TNPO1: variants seen among roughly 807,000 people sequenced by gnomAD.
TNPO1 encodes transportin 1, also known as transportin-1.
In TNPO1, 8 loss-of-function variants were observed where a neutral mutation model predicts 119.5. That is an observed-to-expected ratio of 0.07 (90% CI 0.04 to 0.12). The LOEUF is 0.12. Ranked by LOEUF, TNPO1 falls within the 10% of genes least tolerant of loss-of-function variation. The pLI, the probability that TNPO1 is intolerant of heterozygous loss-of-function variation, is 1.00. For synonymous variants in TNPO1, 362 were observed against 363.0 expected (o/e 1.00, Z 0.03); for missense variants, 576 against 1,089.8 (o/e 0.53, Z 6.64).
intron 23 of TNPO1, among the ~76,000 whole-genome samples, chr5:72,904,224 T>G (rs1406430571): frequency 3.3e-5 from 5 of 152,196 alleles, no homozygotes; most frequent in Non-Finnish European, 7.3e-5. Flanking sequence ...CAGTTACACA[T>G]TTGAATCACC....
At chr5:72,850,935 A>G (rs552736820) in intron 2 of TNPO1, among the ~76,000 whole-genome samples, 1 of 152,292 alleles carries the variant, frequency 6.6e-6, no homozygotes, top group Non-Finnish European at 1.5e-5. Context: ...AGAATGGTTT[A>G]AAGTTGAAAT....
At chr5:72,902,182 A>C (rs1749847776) in intron 22 of TNPO1, among the ~76,000 whole-genome samples, 1 of 152,212 alleles carries the variant, frequency 6.6e-6, no homozygotes, top group Admixed American at 6.5e-5. Flanking sequence ...CTTTTATAGC[A>C]ATAACTTTCT....
At chr5:72,852,728 G>A (rs1302501724) in intron 3 of TNPO1, among the ~76,000 whole-genome samples, 1 of 152,096 alleles carries the variant, frequency 6.6e-6, no homozygotes, top group Non-Finnish European at 1.5e-5. Context: ...ATTCTTGCAC[G>A]GTGATTTCTT....
chr5:72,826,213 T>C (rs577555895), intron 1 of TNPO1, among the ~76,000 whole-genome samples: 10 of 152,254 alleles, frequency 6.6e-5, no homozygotes, highest in Non-Finnish European at 1.0e-4. Context: ...CCCACTCTTA[T>C]CCTGGACTCC....
At chr5:72,865,775 G>T in intron 6 of TNPO1, 46 bp downstream of exon 6, 1 of 1,547,610 alleles carries the variant, frequency 6.5e-7, no homozygotes, top group South Asian at 1.2e-5. Context: ...ATATAAACCT[G>T]ACCATTATCT....
rs1406632032 is a variant in TNPO1 at position 72,908,914 on chromosome 5, C to G, written c.*241C>G. The G allele has an allele frequency of 4.4e-6, 2 of 453,178 alleles. No individual in the cohort carries two copies. Among genetic ancestry groups the G allele is most frequent in the East Asian group, 7.0e-5 (1 of 14,242 alleles). The allele number at this position is 453,178 out of a possible 1,614,324, so 28.1% of individuals were successfully genotyped here. On this transcript the variant is annotated 3_prime_UTR_variant, in exon 25 of 25. Transcript: ENST00000337273. Reference sequence around the variant, plus strand: ...AGCCTTTGTGGGTGGAAATATGTCTCCAGTTACAACTCCGCAGTGGATGTG... The same window carrying G: ...AGCCTTTGTGGGTGGAAATATGTCTGCAGTTACAACTCCGCAGTGGATGTG...
intron 1 of TNPO1, among the ~76,000 whole-genome samples, chr5:72,846,913 G>T (rs1347081725): frequency 6.6e-6 from 1 of 152,128 alleles, no homozygotes; most frequent in Non-Finnish European, 1.5e-5. Flanking sequence ...GATATACGAA[G>T]TCAGGCAAGA....
At chr5:72,833,043 A>G (rs916908439) in intron 1 of TNPO1, among the ~76,000 whole-genome samples, 1 of 152,152 alleles carries the variant, frequency 6.6e-6, no homozygotes, top group African/African-American at 2.4e-5. Flanking sequence ...CAATTCCTAG[A>G]GAACTCCCTG....
intron 2 of TNPO1, among the ~76,000 whole-genome samples, chr5:72,850,857 C>T (rs904040944): frequency 2.0e-5 from 3 of 152,104 alleles, no homozygotes; most frequent in Non-Finnish European, 4.4e-5. Context: ...ATCTTCAACT[C>T]TGAAAGACTT....
intron 1 of TNPO1, among the ~76,000 whole-genome samples, chr5:72,834,054 C>T (rs552039862): frequency 1.3e-5 from 2 of 152,082 alleles, no homozygotes; most frequent in African/African-American, 4.8e-5. Flanking sequence ...CATGGTGGTC[C>T]CATAAGATTA....
chr5:72,905,740 C>A (rs1440539302), intron 24 of TNPO1, among the ~76,000 whole-genome samples: 1 of 152,058 alleles, frequency 6.6e-6, no homozygotes, highest in Admixed American at 6.6e-5. Context: ...ACTAAAAATA[C>A]AAAAATTAGC....
chr5:72,885,287 T>C (rs1486474339), intron 11 of TNPO1, among the ~76,000 whole-genome samples: 1 of 152,224 alleles, frequency 6.6e-6, no homozygotes, highest in Non-Finnish European at 1.5e-5. Flanking sequence ...GTCTCACTTG[T>C]TAAGACAACA....
rs985208324 is a variant in TNPO1 at position 72,849,256 on chromosome 5, A to G, written c.129+758A>G. Reference sequence around the variant, plus strand: ...GTTGCTACGGTTTTAGAGACAGGAAAGGTTAAGAGAACCAAAACTCTACCA... The same window carrying G: ...GTTGCTACGGTTTTAGAGACAGGAAGGGTTAAGAGAACCAAAACTCTACCA... On this transcript the variant is annotated intron_variant, in intron 2 of 24. Transcript: ENST00000337273. Among the ~76,000 whole-genome samples the G allele has an allele frequency of 2.6e-5, 4 of 152,324 alleles. 1 individual carries two copies. Among genetic ancestry groups the G allele is most frequent in the African/African-American group, 9.6e-5 (4 of 41,580 alleles).
chr5:72,857,757 G>A (rs1013288615), intron 4 of TNPO1, among the ~76,000 whole-genome samples: 1 of 152,192 alleles, frequency 6.6e-6, no homozygotes, highest in African/African-American at 2.4e-5. Context: ...CTATCTTTAA[G>A]TGCCATTTGG....
At chr5:72,904,820 G>A (rs925922439) in intron 23 of TNPO1, among the ~76,000 whole-genome samples, 8 of 152,096 alleles carry the variant, frequency 5.3e-5, no homozygotes, top group Non-Finnish European at 1.0e-4. Context: ...AAAAAGATAT[G>A]CCCAAGACTG....
intron 14 of TNPO1, among the ~76,000 whole-genome samples, chr5:72,890,548 A>G (rs938154760): frequency 2.6e-5 from 4 of 152,170 alleles, no homozygotes; most frequent in Non-Finnish European, 4.4e-5. Context: ...GCTATATCCA[A>G]AGTCTTAAGA....
At chr5:72,879,417 A>G (rs777478124) in intron 9 of TNPO1, among the ~76,000 whole-genome samples, 1 of 152,234 alleles carries the variant, frequency 6.6e-6, no homozygotes, top group Non-Finnish European at 1.5e-5. Flanking sequence ...ATATAATCCA[A>G]ATATTCGTAA....
intron 11 of TNPO1, among the ~76,000 whole-genome samples, chr5:72,885,431 C>T (rs922121972): frequency 6.6e-6 from 1 of 152,230 alleles, no homozygotes; most frequent in Non-Finnish European, 1.5e-5. Flanking sequence ...GGAACACTTC[C>T]TCTTCACATC....
At chr5:72,838,122 A>G (rs1490177418) in intron 1 of TNPO1, among the ~76,000 whole-genome samples, 1 of 152,108 alleles carries the variant, frequency 6.6e-6, no homozygotes, top group Non-Finnish European at 1.5e-5. Flanking sequence ...CTATTTTGCT[A>G]TCTAAACTGC....
Sources: allele counts gnomAD v4.1 joint callset (sites outside exome capture counted in the v4.1 genomes callset), GRCh38; gene constraint gnomAD v4.1.1; transcripts MANE v1.5; gene names NCBI Gene and HGNC (gene_info 2026-07-23, HGNC 2026-07-21).